Variants in NAV3 observed in about 807,000 individuals in gnomAD.
The protein encoded by NAV3 is pore membrane and/or filament interacting like protein 1.
Under a neutral mutation model 244.7 loss-of-function variants are expected in NAV3, and 87 were observed. The observed-to-expected ratio is 0.36, with a 90% CI of 0.30 to 0.42. NAV3 has a LOEUF of 0.42. NAV3 is among the 20% of genes least tolerant of loss of function. The pLI, the probability that NAV3 is intolerant of heterozygous loss-of-function variation, is 1.00. For synonymous variants in NAV3, 1,126 were observed against 1,042.2 expected, an observed-to-expected ratio of 1.08 and a Z score of -1.55; for missense variants, 2,663 against 2,893.3, an observed-to-expected ratio of 0.92 and a Z score of 1.83.
chr12:78,090,095 T>C (rs570710888), intron 12 of NAV3, among the ~76,000 whole-genome samples: 23 of 152,006 alleles, frequency 1.5e-4, no homozygotes, highest in African/African-American at 5.1e-4. Context: ...ATCTCCAGTA[T>C]GCCCTGCATC....
intron 2 of NAV3, among the ~76,000 whole-genome samples, chr12:77,733,559 C>T (rs1163265943): frequency 6.6e-6 from 1 of 151,834 alleles, no homozygotes; most frequent in East Asian, 1.9e-4. Context: ...AGCAGAGTTC[C>T]AGAACATCAT....
At chr12:77,907,235 G>A (rs1405451836) in intron 1 of NAV3, among the ~76,000 whole-genome samples, 1 of 152,186 alleles carries the variant, frequency 6.6e-6, no homozygotes, top group South Asian at 2.1e-4. Flanking sequence ...GCGTGTACAA[G>A]GGCCTAGCAT....
At chr12:78,083,609 T>C (rs181756650) in intron 12 of NAV3, among the ~76,000 whole-genome samples, 53 of 152,304 alleles carry the variant, frequency 3.5e-4, no homozygotes, top group African/African-American at 1.2e-3. Flanking sequence ...TTAATGATCT[T>C]GCCTTCCATT....
At chr12:77,922,997 T>C (rs1319450352) in intron 1 of NAV3, among the ~76,000 whole-genome samples, 1 of 152,068 alleles carries the variant, frequency 6.6e-6, no homozygotes, top group Non-Finnish European at 1.5e-5. Flanking sequence ...TTTTGCATCA[T>C]ATTTTTCATT....
intron 22 of NAV3, among the ~76,000 whole-genome samples, chr12:78,151,524 C>T (rs1415027797): frequency 6.6e-6 from 1 of 151,852 alleles, no homozygotes; most frequent in Non-Finnish European, 1.5e-5. Context: ...TGAAAAAAGA[C>T]AGTTATAGAA....
At chr12:78,175,189 C>G in intron 24 of NAV3, 117 bp from the exon 25 acceptor site, 1 of 1,064,188 alleles carries the variant, frequency 9.4e-7, no homozygotes, top group Non-Finnish European at 1.3e-6. Context: ...TTGAAATTAT[C>G]TGTACAAAGC....
chr12:78,098,022 T>C (rs1307344588), intron 12 of NAV3, among the ~76,000 whole-genome samples: 1 of 152,138 alleles, frequency 6.6e-6, no homozygotes, highest in Non-Finnish European at 1.5e-5. Context: ...AATTCTCAGA[T>C]ATCCAAAAAA....
At chr12:78,095,058 TATATATACAC>T (rs1285686603) in intron 12 of NAV3, among the ~76,000 whole-genome samples, 1 of 112,706 alleles carries the variant, frequency 8.9e-6, no homozygotes. Context: ...TATATATATA[TATATATACAC>T]ACACACACAC....
intron 2 of NAV3, among the ~76,000 whole-genome samples, chr12:77,771,107 A>G (rs1264169931): frequency 2.0e-5 from 3 of 152,236 alleles, no homozygotes; most frequent in Non-Finnish European, 4.4e-5. Context: ...GGCGAAGGAT[A>G]TGAACAGACA....
At chr12:78,193,945 G>A (rs1019275856) in intron 34 of NAV3, among the ~76,000 whole-genome samples, 3 of 151,840 alleles carry the variant, frequency 2.0e-5, no homozygotes, top group Non-Finnish European at 4.4e-5. Context: ...TTTTCTCCTT[G>A]TTTCCTGCTC....
chr12:77,591,437 T>C (rs1179115947), intron 2 of NAV3, among the ~76,000 whole-genome samples: 2 of 152,228 alleles, frequency 1.3e-5, no homozygotes, highest in African/African-American at 4.8e-5. Flanking sequence ...TTACACAAAC[T>C]CCAAAGTTGG....
chr12:77,977,308 A>G (rs1166322391), intron 5 of NAV3, among the ~76,000 whole-genome samples: 2 of 152,148 alleles, frequency 1.3e-5, no homozygotes, highest in Non-Finnish European at 2.9e-5. Context: ...TGTATGTGTC[A>G]ATTAAAAAAA....
At chr12:77,878,043 C>T (rs996410425) in intron 1 of NAV3, among the ~76,000 whole-genome samples, 2 of 151,860 alleles carry the variant, frequency 1.3e-5, no homozygotes, top group African/African-American at 4.8e-5. Context: ...CAATGCTCCC[C>T]AAAGCTGTCA....
intron 1 of NAV3, among the ~76,000 whole-genome samples, chr12:77,869,031 T>TA (rs914581922): frequency 2.7e-5 from 4 of 147,284 alleles, no homozygotes; most frequent in Non-Finnish European, 6.0e-5. Context: ...GAGATCGAGG[T>TA]AAAAAACAAA....
chr12:78,110,694 G>T (rs957444195), intron 12 of NAV3, among the ~76,000 whole-genome samples: 24 of 70,366 alleles, frequency 3.4e-4, no homozygotes, highest in African/African-American at 9.8e-5. Context: ...TATATATATA[G>T]TGTGTGTGTG....
At chr12:78,181,416 G>C (rs1269397335) in intron 30 of NAV3, among the ~76,000 whole-genome samples, 4 of 151,970 alleles carry the variant, frequency 2.6e-5, no homozygotes, top group Non-Finnish European at 4.4e-5. Flanking sequence ...AGTGTAGCAG[G>C]CTTTATTTTC....
Position 78,205,044 on chromosome 12 carries a change from G to A in NAV3, c.6944G>A (p.Arg2315Gln), listed in dbSNP as rs552595814. 5 of 1,613,488 alleles carry A rather than the reference G, an allele frequency of 3.1e-6. No individual in the cohort carries two copies. The African/African-American group carries it at 4.0e-5, about 13-fold the overall frequency. The change falls in exon 39 of 40, where the codon CGA becomes CAA. Residue 2315 changes from arginine (R) to glutamine (Q), a missense_variant. Physicochemically the swap from Arg to Gln is conservative, Grantham distance 43 (BLOSUM62 1). Around this residue, in one of 6 missense-constraint regions of NAV3, gnomAD observed 543 missense variants for 672.4 expected, o/e 0.81. Transcript: ENST00000397909. Reference sequence around the variant, plus strand: ...GAGAGCCCAGCCTTACTTCAGCTGCGACCAGAAGATGTTGGGTATGAAAGC... The same window carrying A: ...GAGAGCCCAGCCTTACTTCAGCTGCAACCAGAAGATGTTGGGTATGAAAGC... ...PQESPALLQL[R>Q]PEDVGYESCT...
chr12:78,042,684 G>A (rs1248943469), intron 9 of NAV3, among the ~76,000 whole-genome samples: 2 of 152,314 alleles, frequency 1.3e-5, no homozygotes, highest in South Asian at 2.1e-4. Flanking sequence ...AGCTACTTGA[G>A]AGGCCGAAGC....
intron 1 of NAV3, among the ~76,000 whole-genome samples, chr12:77,887,125 A>T (rs1378457872): frequency 3.3e-5 from 5 of 152,192 alleles, no homozygotes; most frequent in Non-Finnish European, 7.4e-5. Flanking sequence ...GCATAGGTGC[A>T]TTTAATTAGG....
Sources: allele counts gnomAD v4.1 joint callset (sites outside exome capture counted in the v4.1 genomes callset), GRCh38; gene constraint gnomAD v4.1.1; regional missense constraint gnomAD v4.1.1; transcripts MANE v1.5; gene names NCBI Gene and HGNC (gene_info 2026-07-23, HGNC 2026-07-21).